The following CPXM2 variants were observed in gnomAD, a reference collection of about 807,000 sequenced individuals.
The protein encoded by CPXM2 is carboxypeptidase X, M14 family member 2.
CPXM2 carries 66 observed loss-of-function variants against 86.1 expected under a neutral mutation model. That is an observed-to-expected ratio of 0.77 (90% CI 0.63 to 0.94). CPXM2 has a LOEUF of 0.94. Ranked by LOEUF, CPXM2 falls within the 40% of genes least tolerant of loss-of-function variation. The pLI is 0.00. For missense variants in CPXM2, 948 were observed against 1,026.3 expected, an observed-to-expected ratio of 0.92 and a Z score of 1.04; for synonymous variants, 388 against 400.2, an observed-to-expected ratio of 0.97 and a Z score of 0.36.
rs537053389 is a variant in CPXM2, at chr10:123,790,050, G to A, written c.889+7926C>T. Among the ~76,000 whole-genome samples, 147 of 152,210 alleles carry A rather than the reference G, an allele frequency of 9.7e-4. 1 individual carries two copies. The highest frequency in any genetic ancestry group is 1.4e-3 in the Admixed American group (21 of 15,306). Reference sequence around the variant, plus strand: ...GGAGAATGGTGTGAACCCAGGAGGCGGAGCTTGCAGTGAGCCAAGATCGCA... The same window carrying A: ...GGAGAATGGTGTGAACCCAGGAGGCAGAGCTTGCAGTGAGCCAAGATCGCA... On this transcript the variant is annotated intron_variant, in intron 6 of 13. Coordinates refer to ENST00000241305, the MANE Select transcript of CPXM2 (RefSeq NM_198148.3).
chr10:123,807,936 G>T (rs1013142652), intron 4 of CPXM2, among the ~76,000 whole-genome samples: 2 of 152,102 alleles, frequency 1.3e-5, no homozygotes, highest in Admixed American at 6.5e-5. Context: ...TGGAGGTTAC[G>T]AACTCCAAGC....
chr10:123,769,849 G>T (rs1177365660), intron 8 of CPXM2, among the ~76,000 whole-genome samples: 1 of 152,374 alleles, frequency 6.6e-6, no homozygotes, highest in Non-Finnish European at 1.5e-5. Flanking sequence ...TGTTACAGCA[G>T]TCAGAAAGGA....
At chr10:123,911,432 G>C (rs1444405509) in intron 2 of CPXM2, among the ~76,000 whole-genome samples, 1 of 152,052 alleles carries the variant, frequency 6.6e-6, no homozygotes, top group Admixed American at 6.5e-5. Flanking sequence ...CATCGATGAA[G>C]TTTCTCAGAG....
upstream of CPXM2, among the ~76,000 whole-genome samples, chr10:123,894,932 A>G (rs1382825829): frequency 2.0e-5 from 3 of 151,850 alleles, no homozygotes; most frequent in Non-Finnish European, 4.4e-5. Flanking sequence ...GCAACAAGCC[A>G]TTCATTCTCC....
intron 1 of CPXM2, among the ~76,000 whole-genome samples, chr10:123,881,914 T>C (rs1457045648): frequency 6.6e-6 from 1 of 152,160 alleles, no homozygotes; most frequent in East Asian, 1.9e-4. Flanking sequence ...GATGAATGAA[T>C]GAATGCACGA....
At chr10:123,757,771 C>T (rs866769302) in intron 11 of CPXM2, among the ~76,000 whole-genome samples, 2 of 152,128 alleles carry the variant, frequency 1.3e-5, no homozygotes, top group African/African-American at 2.4e-5. Context: ...CTATGACAGT[C>T]TTCTATTTTG....
intron 6 of CPXM2, among the ~76,000 whole-genome samples, chr10:123,784,880 C>G (rs1377412891): frequency 6.6e-6 from 1 of 152,190 alleles, no homozygotes. Flanking sequence ...AACATAAGGC[C>G]GATTCATACT....
intron 2 of CPXM2, among the ~76,000 whole-genome samples, chr10:123,938,854 G>C (rs1055687878): frequency 6.6e-6 from 1 of 152,126 alleles, no homozygotes; most frequent in Admixed American, 6.5e-5. Flanking sequence ...AATGCAGGTG[G>C]GACCCAGCCC....
At chr10:123,904,447 A>C (rs897002459) in intron 2 of CPXM2, among the ~76,000 whole-genome samples, 3 of 152,192 alleles carry the variant, frequency 2.0e-5, no homozygotes, top group Non-Finnish European at 2.9e-5. Context: ...GGGTATAACA[A>C]TCGTTCCCAC....
Position 123,862,666 on chromosome 10 carries a change from G to A in CPXM2, c.461C>T (p.Ser154Phe). 6.2e-7 allele frequency: 1 copy of A among 1,614,186 alleles called. No homozygotes were observed. The change falls in exon 3 of 14, where the codon TCC (serine) becomes TTC (phenylalanine). Residue 154 changes from serine (S) to phenylalanine (F), a missense_variant. Transcript: ENST00000241305. ...LKITDFQLHA[S>F]TVKRYGLGAH... Reference sequence around the variant, plus strand: ...CCCCAGGCCATAGCGCTTCACCGTGGAGGCATGGAGCTGGAAGTCTGTGAT... The same window carrying A: ...CCCCAGGCCATAGCGCTTCACCGTGAAGGCATGGAGCTGGAAGTCTGTGAT...
chr10:123,766,504 T>C (rs1208882410), intron 10 of CPXM2, among the ~76,000 whole-genome samples: 2 of 152,230 alleles, frequency 1.3e-5, no homozygotes, highest in Non-Finnish European at 2.9e-5. Flanking sequence ...CAACATACTC[T>C]TTGTAAAACA....
rs544640696 is a variant in CPXM2 at position 123,883,076 on chromosome 10, C to T, written c.305-2767G>A. 3.8e-4 allele frequency among the ~76,000 whole-genome samples: 58 copies of T among 151,804 alleles called. 1 individual carries two copies. The South Asian group carries it at 0.011, about 29-fold the overall frequency. On this transcript the variant is annotated intron_variant, in intron 1 of 13. Coordinates refer to ENST00000241305, the MANE Select transcript of CPXM2 (RefSeq NM_198148.3). ...GCCCCCACATCACAACACCATGGCC[C>T]GGGCACCCCCAGGCCCAGGCAGATT...
intron 4 of CPXM2, among the ~76,000 whole-genome samples, chr10:123,836,307 T>A (rs1848279244): frequency 6.6e-6 from 1 of 151,938 alleles, no homozygotes; most frequent in Non-Finnish European, 1.5e-5. Context: ...CAATCCTCCA[T>A]CACTTCTGAA....
intron 3 of CPXM2, among the ~76,000 whole-genome samples, chr10:123,853,136 C>G (rs185955013): frequency 3.2e-4 from 49 of 152,180 alleles, no homozygotes; most frequent in African/African-American, 1.2e-3. Context: ...TGTGGCACCT[C>G]CCCAGTCTTT....
chr10:123,791,342 G>A (rs1002564793), intron 6 of CPXM2, among the ~76,000 whole-genome samples: 5 of 152,160 alleles, frequency 3.3e-5, no homozygotes, highest in Non-Finnish European at 7.3e-5. Flanking sequence ...GCTTGAATCC[G>A]GGAGGCGGGG....
Position 123,783,285 on chromosome 10 carries a change from T to C in CPXM2, c.890-3030A>G, listed in dbSNP as rs114488639. Among the ~76,000 whole-genome samples, 943 of 152,376 alleles carry C rather than the reference T, an allele frequency of 6.2e-3. 2 individuals carry two copies. Among genetic ancestry groups the C allele is most frequent in the African/African-American group, 0.021 (868 of 41,596 alleles). On this transcript the variant is annotated intron_variant, in intron 6 of 13. Transcript: ENST00000241305. ...ATAAACTTGCTTTCAATTTACTCTA[T>C]GGATTCATCTTGAATTCTTTCTTGC... is the stretch of plus-strand genomic sequence containing the variant.
intron 4 of CPXM2, among the ~76,000 whole-genome samples, chr10:123,832,038 C>A (rs1056930546): frequency 2.6e-5 from 4 of 151,720 alleles, no homozygotes; most frequent in African/African-American, 4.8e-5. Flanking sequence ...TTTTGCCAAC[C>A]ATGGGCCCCT....
chr10:123,943,554 T>C (rs2134298417), upstream of CPXM2, among the ~76,000 whole-genome samples: 1 of 152,306 alleles, frequency 6.6e-6, no homozygotes, highest in South Asian at 2.1e-4. Context: ...AAAGTCCCCT[T>C]GGGCCCCACA....
intron 1 of CPXM2, among the ~76,000 whole-genome samples, chr10:123,881,230 T>TCCCCCCCCCCCC (rs1564811045): frequency 1.5e-5 from 1 of 66,896 alleles, no homozygotes. Flanking sequence ...GGAGCACCCT[T>TCCCCCCCCCCCC]CTCTTCCCTT....
Sources: gnomAD v4.1 joint callset for allele counts (sites outside exome capture counted in the v4.1 genomes callset) on GRCh38, gnomAD v4.1.1 for gene constraint, MANE v1.5 for transcripts, NCBI Gene and HGNC (gene_info 2026-07-23, HGNC 2026-07-21) for gene names.